The following NRXN1 variants were observed in gnomAD, a reference collection of about 807,000 sequenced individuals.
NRXN1 encodes the protein neurexin-1.
In NRXN1, 39 loss-of-function variants were observed where a neutral mutation model predicts 150.9. That is an observed-to-expected ratio of 0.26 (90% CI 0.20 to 0.34). The LOEUF is 0.34. Among genes scored for constraint, NRXN1 ranks in the 10% least tolerant of loss-of-function variants. NRXN1 has a pLI of 1.00. For synonymous variants in NRXN1, 924 were observed against 757.0 expected, an observed-to-expected ratio of 1.22 and a Z score of -3.62; for missense variants, 1,815 against 1,949.9, an observed-to-expected ratio of 0.93 and a Z score of 1.30.
At chr2:50,869,239 C>A (rs1404364393) in intron 5 of NRXN1, among the ~76,000 whole-genome samples, 3 of 151,696 alleles carry the variant, frequency 2.0e-5, no homozygotes, top group African/African-American at 7.3e-5. Flanking sequence ...TCTGGAAAAA[C>A]AAACCAATTC....
chr2:50,008,989 C>CA (rs1425891473), intron 21 of NRXN1, among the ~76,000 whole-genome samples: 7 of 152,070 alleles, frequency 4.6e-5, no homozygotes, highest in Non-Finnish European at 8.8e-5. Flanking sequence ...TTCAAGGTAA[C>CA]AAATCCTGAG....
intron 5 of NRXN1, among the ~76,000 whole-genome samples, chr2:50,661,759 A>G (rs1687335176): frequency 6.6e-6 from 1 of 152,092 alleles, no homozygotes; most frequent in African/African-American, 2.4e-5. Flanking sequence ...AAGGATTACT[A>G]CTTCTGATGC....
chr2:50,742,929 C>A (rs1699604253), intron 5 of NRXN1, among the ~76,000 whole-genome samples: 1 of 152,132 alleles, frequency 6.6e-6, no homozygotes, highest in African/African-American at 2.4e-5. Context: ...AAATCATCCT[C>A]CAATTAGCTG....
At chr2:51,030,570 ACAGT>A (rs1558622949) in intron 1 of NRXN1, among the ~76,000 whole-genome samples, 2 of 131,376 alleles carry the variant, frequency 1.5e-5, no homozygotes, top group Non-Finnish European at 3.3e-5. Flanking sequence ...ACACACACAC[ACAGT>A]GTGGGTGTGC....
chr2:50,810,259 G>A (rs1245905116), intron 5 of NRXN1, among the ~76,000 whole-genome samples: 1 of 152,072 alleles, frequency 6.6e-6, no homozygotes, highest in Non-Finnish European at 1.5e-5. Context: ...AACTACCATT[G>A]GATCATTTAA....
intron 19 of NRXN1, among the ~76,000 whole-genome samples, chr2:50,070,631 G>A (rs528484911): frequency 4.6e-5 from 7 of 151,476 alleles, no homozygotes; most frequent in East Asian, 3.9e-4. Flanking sequence ...TTATCCGGGC[G>A]TAGTGGCGGG....
intron 17 of NRXN1, among the ~76,000 whole-genome samples, chr2:50,242,521 T>C (rs557675029): frequency 6.6e-6 from 1 of 151,838 alleles, no homozygotes; most frequent in Non-Finnish European, 1.5e-5. Context: ...TACTAAAATT[T>C]CATATAGGCA....
In NRXN1 at chr2:50,232,392, T is replaced by C. The variant is rs59145804; in HGVS notation, c.3546+4397A>G. Among the ~76,000 whole-genome samples the C allele has an allele frequency of 6.9e-5, 10 of 143,954 alleles. No homozygotes were observed. The East Asian group carries it at 7.9e-4, about 11-fold the overall frequency. 94.4% of individuals were successfully genotyped at this position (143,954 alleles called of 152,430 possible). A position where few individuals can be genotyped will look rare whatever the true frequency, so the allele number is the denominator to read the frequency against. On this transcript the variant is annotated intron_variant, in intron 18 of 22. Transcript: ENST00000401669. ...ATTTTTCTTTCTTTTCTTTTCTTTTTTTTTTTTTTTTTTGAGACGGAGTGT... is the reference window on the plus strand; with the variant it reads ...ATTTTTCTTTCTTTTCTTTTCTTTTCTTTTTTTTTTTTTGAGACGGAGTGT...
intron 5 of NRXN1, among the ~76,000 whole-genome samples, chr2:50,843,715 C>G (rs1559341337): frequency 6.6e-6 from 1 of 152,156 alleles, no homozygotes; most frequent in East Asian, 1.9e-4. Context: ...AACAACTATT[C>G]TAGGAGAGCC....
At chr2:50,276,382 A>G (rs2070473645) in intron 17 of NRXN1, among the ~76,000 whole-genome samples, 1 of 152,184 alleles carries the variant, frequency 6.6e-6, no homozygotes, top group South Asian at 2.1e-4. Context: ...AGAACATTAA[A>G]AGGTAGAGTT....
chr2:50,218,909 A>G (rs1435629580), intron 18 of NRXN1, among the ~76,000 whole-genome samples: 1 of 152,020 alleles, frequency 6.6e-6, no homozygotes, highest in African/African-American at 2.4e-5. Flanking sequence ...ATTCACTTTT[A>G]TTCCATATTG....
intron 5 of NRXN1, among the ~76,000 whole-genome samples, chr2:50,656,640 C>T (rs1273054133): frequency 6.6e-6 from 1 of 151,862 alleles, no homozygotes; most frequent in Non-Finnish European, 1.5e-5. Context: ...TTGTACCACC[C>T]TCATCACCAC....
rs1286752022 is a variant in NRXN1 at position 50,721,934 on chromosome 2, T to G, written c.833-98319A>C. 2.0e-5 allele frequency among the ~76,000 whole-genome samples: 3 copies of G among 152,264 alleles called. No individual in the cohort carries two copies. In the East Asian group the frequency reaches 5.8e-4, roughly 29 times the overall value. ...CCTCAACTACTACACACCAGAATTATTTAACAGAGTTGAATTGTGATTTTT... is the reference window on the plus strand; with the variant it reads ...CCTCAACTACTACACACCAGAATTAGTTAACAGAGTTGAATTGTGATTTTT... On this transcript the variant is annotated intron_variant, in intron 5 of 22. Transcript: ENST00000401669.
At chr2:50,886,083 T>A (rs148361317) in intron 5 of NRXN1, among the ~76,000 whole-genome samples, 1 of 151,506 alleles carries the variant, frequency 6.6e-6, no homozygotes, top group African/African-American at 2.4e-5. Flanking sequence ...TATAGACTAG[T>A]GAATCCATTT....
intron 8 of NRXN1, among the ~76,000 whole-genome samples, chr2:50,574,608 G>A (rs533892265): frequency 4.9e-4 from 74 of 152,262 alleles, no homozygotes; most frequent in South Asian, 8.3e-4. Flanking sequence ...CTACCTAGGA[G>A]AGAAATCCAA....
intron 17 of NRXN1, among the ~76,000 whole-genome samples, chr2:50,446,452 CT>C (rs1176912547): frequency 7.5e-6 from 1 of 133,496 alleles, no homozygotes; most frequent in African/African-American, 2.8e-5. Context: ...TCCTTCCATC[CT>C]TTCCCCTGTT....
At chr2:50,202,363 G>A (rs896771773) in intron 18 of NRXN1, among the ~76,000 whole-genome samples, 4 of 152,208 alleles carry the variant, frequency 2.6e-5, no homozygotes, top group South Asian at 4.1e-4. Context: ...AAAATTAGCC[G>A]GGTGTGGTGC....
intron 21 of NRXN1, among the ~76,000 whole-genome samples, chr2:50,029,853 G>A (rs59158661): frequency 0.019 from 2,927 of 152,090 alleles, 96 homozygotes; most frequent in African/African-American, 0.067. Context: ...AAGCCCAAAG[G>A]TCTTTTGAAT....
chr2:49,922,248 T>G lies in NRXN1; in HGVS notation c.4220A>C (p.Asn1407Thr). 6.2e-7 allele frequency: 1 copy of G among 1,613,050 alleles called. No homozygotes were observed. Residue 1407 changes from asparagine to threonine, a missense_variant, in exon 23 of 23, where the codon AAC (asparagine) becomes ACC (threonine). By Grantham distance (65) the Asn-to-Thr change is moderately conservative. Transcript: ENST00000401669. The stretch of plus-strand genomic sequence containing the variant: ...CTCTCTGCCGCCTGCTCGGGTTGGG[T>G]TGGCTATAGAAAAGAGGATGAGAAC... ...PCEPSSGGLA[N>T]PTRAGGREPY...
Sources: gnomAD v4.1 joint callset for allele counts (sites outside exome capture counted in the v4.1 genomes callset) on GRCh38, gnomAD v4.1.1 for gene constraint, MANE v1.5 for transcripts, NCBI Gene and HGNC (gene_info 2026-07-23, HGNC 2026-07-21) for gene names.